CHSY1: variants seen among roughly 807,000 people sequenced by gnomAD.
CHSY1 encodes the protein chondroitin sulfate synthase 1.
In CHSY1, 13 loss-of-function variants were observed where a neutral mutation model predicts 59.8. The ratio of observed to expected loss-of-function variants is 0.22; its 90% confidence interval spans 0.14 to 0.35. The LOEUF (loss-of-function observed/expected upper bound fraction) is 0.35. CHSY1 is among the 10% of genes least tolerant of loss of function. The pLI, the probability that CHSY1 is intolerant of heterozygous loss-of-function variation, is 1.00. For missense variants in CHSY1, 947 were observed against 1,030.6 expected, an observed-to-expected ratio of 0.92 and a Z score of 1.11; for synonymous variants, 459 against 401.2, an observed-to-expected ratio of 1.14 and a Z score of -1.72.
In CHSY1 at chr15:101,251,176, G is replaced by A. The variant is rs1308599937; in HGVS notation, c.281C>T (p.Ala94Val). 6.3e-7 allele frequency: 1 copy of A among 1,599,416 alleles called. No homozygotes were observed. Residue 94 changes from alanine to valine, a missense_variant, in exon 1 of 3, where the codon GCC becomes GTC. By Grantham distance (64) the Ala-to-Val change is moderately conservative (BLOSUM62 0). Around this residue, in one of 4 missense-constraint regions of CHSY1, gnomAD observed 232 missense variants for 188.5 expected, o/e 1.23. Transcript: ENST00000254190. ...GGCCCGAGTCTGCAGGTATTTCTGG[G>A]CGGTCATGACTCCCACGAAGAGAAA... ...RNFLFVGVMT[A>V]QKYLQTRAVA... is the part of the protein sequence containing the mutation.
intron 2 of CHSY1, among the ~76,000 whole-genome samples, chr15:101,191,307 C>G (rs928341069): frequency 6.6e-6 from 1 of 152,086 alleles, no homozygotes; most frequent in African/African-American, 2.4e-5. Context: ...GTAAAAGAAG[C>G]CAAACTGAAA....
At chr15:101,194,170 G>A (rs765251405) in intron 2 of CHSY1, among the ~76,000 whole-genome samples, 17 of 152,238 alleles carry the variant, frequency 1.1e-4, no homozygotes, top group Non-Finnish European at 1.8e-4. Context: ...CATCACTAGT[G>A]ACAGTAGAGT....
chr15:101,185,200 C>T (rs938444099), intron 2 of CHSY1, among the ~76,000 whole-genome samples: 1 of 152,226 alleles, frequency 6.6e-6, no homozygotes, highest in Admixed American at 6.5e-5. Flanking sequence ...ATCAAATATG[C>T]TGTCTTTAGA....
chr15:101,193,500 C>T (rs1302123372), intron 2 of CHSY1, among the ~76,000 whole-genome samples: 2 of 151,754 alleles, frequency 1.3e-5, no homozygotes, highest in Non-Finnish European at 2.9e-5. Context: ...CAAGCATAAA[C>T]GGCTGGGCCA....
intron 2 of CHSY1, chr15:101,188,074 G>C (rs976287612): frequency 5.1e-6 from 5 of 985,414 alleles, no homozygotes; most frequent in Non-Finnish European, 6.0e-6. Flanking sequence ...CGTTCTTCCT[G>C]TTAACTGTTT....
chr15:101,186,750 C>T (rs1282347250), intron 2 of CHSY1: 1 of 152,178 alleles, frequency 6.6e-6, no homozygotes, highest in Non-Finnish European at 1.5e-5. Context: ...TGCAGTGAGC[C>T]ATGATCGCAC....
At chr15:101,245,635 C>T (rs1440256492) in intron 1 of CHSY1, among the ~76,000 whole-genome samples, 3 of 152,138 alleles carry the variant, frequency 2.0e-5, no homozygotes, top group Admixed American at 6.5e-5. Context: ...ACGCACAATC[C>T]GCTATTGACA....
chr15:101,187,957 TCAACTA>T lies in CHSY1; in HGVS notation c.817-8983_817-8978del, dbSNP rs1307668284. 3.3e-6 allele frequency: 3 copies of T among 904,460 alleles called. No homozygotes were observed. In the East Asian group the frequency reaches 3.5e-4, roughly 107 times the overall value. The allele number at this position is 904,460 out of a possible 1,614,324, so 56.0% of individuals were successfully genotyped here. On this transcript the variant is annotated intron_variant, in intron 2 of 2. Transcript: ENST00000254190. Reference sequence around the variant, plus strand: ...CTTCTAGCCCAGCTGGGAATAACCATCAACTACCCATATCTAATCTTTGGTTAACAA... The same window carrying T: ...CTTCTAGCCCAGCTGGGAATAACCATCCCATATCTAATCTTTGGTTAACAA...
chr15:101,184,538 TG>T lies in CHSY1; in HGVS notation c.817-5559del, dbSNP rs200255016. On this transcript the variant is annotated intron_variant, in intron 2 of 2. Transcript: ENST00000254190. ...TAATTTTTGTATTTTTTTGTAGAGATGGGGTTTCACCAGGTTGCCCAGGCTG... is the reference window on the plus strand; with the variant it reads ...TAATTTTTGTATTTTTTTGTAGAGATGGGTTTCACCAGGTTGCCCAGGCTG... Among the ~76,000 whole-genome samples the T allele has an allele frequency of 3.1e-3, 471 of 152,086 alleles. 17 individuals are homozygous for T. In the East Asian group the frequency reaches 0.076, roughly 24 times the overall value.
rs1414349494 is a variant in CHSY1 at position 101,176,251 on chromosome 15, T to C, written c.*1137A>G. ...TTAAATAAATTAAAGGTATTTCAGA[T>C]ACAAAGGATAAAACAAAACAGTAAT... On this transcript the variant is annotated 3_prime_UTR_variant, in exon 3 of 3. Coordinates refer to ENST00000254190, the MANE Select transcript of CHSY1 (RefSeq NM_014918.5). 4 of 398,332 alleles carry C rather than the reference T, an allele frequency of 1.0e-5. No homozygotes were observed. The East Asian group carries it at 1.4e-4, about 14-fold the overall frequency. The allele number at this position is 398,332 out of a possible 1,614,324, so 24.7% of individuals were successfully genotyped here.
intron 2 of CHSY1, chr15:101,188,297 T>A: frequency 1.8e-6 from 1 of 556,098 alleles, no homozygotes; most frequent in Non-Finnish European, 2.3e-6. Flanking sequence ...TCACGAGTTT[T>A]AAACATTTAA....
intron 2 of CHSY1, among the ~76,000 whole-genome samples, chr15:101,224,702 A>G (rs766524135): frequency 6.6e-6 from 1 of 152,164 alleles, no homozygotes; most frequent in Non-Finnish European, 1.5e-5. Context: ...CAATGCTAAT[A>G]CTTCACGTCC....
At chr15:101,229,992 A>T (rs994424658) in intron 2 of CHSY1, among the ~76,000 whole-genome samples, 1 of 148,920 alleles carries the variant, frequency 6.7e-6, no homozygotes, top group Non-Finnish European at 1.5e-5. Flanking sequence ...CCCAGGCTGG[A>T]GTGAAGTGGC....
At chr15:101,196,351 C>G (rs1204436428) in intron 2 of CHSY1, among the ~76,000 whole-genome samples, 2 of 152,018 alleles carry the variant, frequency 1.3e-5, no homozygotes, top group Non-Finnish European at 2.9e-5. Flanking sequence ...TTTGCTGGCT[C>G]TTATTCAGGC....
At chr15:101,233,611 G>A (rs2038912259) in intron 2 of CHSY1, among the ~76,000 whole-genome samples, 1 of 152,176 alleles carries the variant, frequency 6.6e-6, no homozygotes, top group South Asian at 2.1e-4. Context: ...GATCCCGTAG[G>A]CCCAGTGAGC....
chr15:101,224,384 A>C (rs2038819024), intron 2 of CHSY1, among the ~76,000 whole-genome samples: 1 of 152,228 alleles, frequency 6.6e-6, no homozygotes, highest in African/African-American at 2.4e-5. Flanking sequence ...GACTTTATAA[A>C]AGTTACTTAC....
At position 101,221,909 on chromosome 15, in the gene CHSY1, G is replaced by A. The variant is rs545498982; in HGVS notation, c.816+13173C>T. The stretch of plus-strand genomic sequence containing the variant: ...TTTTTTTTTTAAAATCCCTGCCAGA[G>A]TTCAATGAGAGAAAACACAGAAGCC... On this transcript the variant is annotated intron_variant, in intron 2 of 2. Transcript: ENST00000254190. Among the ~76,000 whole-genome samples, 6 of 151,872 alleles carry A rather than the reference G, an allele frequency of 4.0e-5. No individual in the cohort carries two copies. In the East Asian group the frequency reaches 1.2e-3, roughly 29 times the overall value.
chr15:101,234,586 G>T (rs553884290), intron 2 of CHSY1, among the ~76,000 whole-genome samples: 2 of 152,320 alleles, frequency 1.3e-5, no homozygotes, highest in South Asian at 2.1e-4. Flanking sequence ...AAGTATGGAA[G>T]AGCCGGGCGC....
rs1387033807 is a variant in CHSY1 at position 101,235,209 on chromosome 15, T to A, written c.689A>T (p.Glu230Val). Residue 230 changes from glutamate to valine, a missense_variant, in exon 2 of 3, where the codon GAG becomes GTG. By Grantham distance (121) the Glu-to-Val change is moderately radical. This residue lies in a region of CHSY1 where 108 missense variants were observed against 144.4 expected (regional missense o/e 0.75). Coordinates refer to ENST00000254190, the MANE Select transcript of CHSY1 (RefSeq NM_014918.5). ...MGGPGVIMSR[E>V]VLRRMVPHIG... ...GTGCGGCACCATTCTCCGAAGCACC[T>A]CCCGGCTCATGATCACGCCAGGCCC... The A allele has an allele frequency of 1.2e-6, 2 of 1,613,760 alleles. No homozygotes were observed. The highest frequency in any genetic ancestry group is 2.7e-5 in the African/African-American group (2 of 74,870).
Sources: allele counts gnomAD v4.1 joint callset (sites outside exome capture counted in the v4.1 genomes callset), GRCh38; gene constraint gnomAD v4.1.1; regional missense constraint gnomAD v4.1.1; transcripts MANE v1.5; gene names NCBI Gene and HGNC (gene_info 2026-07-23, HGNC 2026-07-21).